The following CLYBL variants were observed in gnomAD, a reference collection of about 807,000 sequenced individuals.
CLYBL encodes the protein citramalyl-CoA lyase, mitochondrial.
In CLYBL, 31 loss-of-function variants were observed where a neutral mutation model predicts 38.9. That is an observed-to-expected ratio of 0.80 (90% CI 0.60 to 1.08). The LOEUF is 1.08. Among genes scored for constraint, CLYBL ranks in the 50% least tolerant of loss-of-function variants. The probability of loss-of-function intolerance (pLI) is 0.00; values close to 1 mark genes in which losing one functional copy is unlikely to be tolerated. For missense variants in CLYBL, 434 were observed against 411.6 expected (o/e 1.05, Z -0.47); for synonymous variants, 171 against 158.6 (o/e 1.08, Z -0.59).
intron 1 of CLYBL, among the ~76,000 whole-genome samples, chr13:99,703,709 T>A (rs1250014539): frequency 2.6e-5 from 4 of 152,166 alleles, no homozygotes; most frequent in African/African-American, 4.8e-5. Flanking sequence ...ACACAGGAGA[T>A]GTATTCAGAA....
At chr13:99,875,142 C>T (rs1348793515) in intron 7 of CLYBL, among the ~76,000 whole-genome samples, 1 of 152,138 alleles carries the variant, frequency 6.6e-6, no homozygotes, top group Admixed American at 6.5e-5. Flanking sequence ...GGGAAGTATT[C>T]ATCTTTAAAT....
intron 2 of CLYBL, among the ~76,000 whole-genome samples, chr13:99,841,673 C>T (rs7995103): frequency 0.54 from 82,578 of 151,788 alleles, 22,829 homozygotes; most frequent in African/African-American, 0.65. Flanking sequence ...GTGCCGGCAT[C>T]ACAGGCGTGA....
intron 2 of CLYBL, among the ~76,000 whole-genome samples, chr13:99,778,655 A>G (rs975987158): frequency 2.7e-4 from 41 of 152,334 alleles, no homozygotes; most frequent in African/African-American, 9.9e-4. Context: ...AGCACGGATG[A>G]TAAAAAAGAC....
intron 1 of CLYBL, among the ~76,000 whole-genome samples, chr13:99,750,734 T>TAA (rs1422819883): frequency 2.8e-4 from 35 of 125,076 alleles, no homozygotes; most frequent in African/African-American, 1.2e-3. Context: ...CCCTCTTTTT[T>TAA]TAAAAAAAAA....
chr13:99,809,170 T>C (rs1413332035), intron 2 of CLYBL, among the ~76,000 whole-genome samples: 5 of 152,212 alleles, frequency 3.3e-5, no homozygotes, highest in African/African-American at 1.2e-4. Flanking sequence ...ATCCACTTAT[T>C]TTAATGAATT....
intron 2 of CLYBL, among the ~76,000 whole-genome samples, chr13:99,826,225 G>T (rs542329991): frequency 6.6e-6 from 1 of 152,294 alleles, no homozygotes; most frequent in Admixed American, 6.5e-5. Flanking sequence ...TTATGTATAG[G>T]TGGTTGCCCT....
intron 7 of CLYBL, among the ~76,000 whole-genome samples, chr13:99,885,419 G>A (rs551063838): frequency 1.3e-5 from 2 of 152,120 alleles, no homozygotes; most frequent in East Asian, 1.9e-4. Flanking sequence ...ATGAGGCTGA[G>A]GGGGGAGGGT....
At chr13:99,894,521 G>C (rs1461168608), downstream of CLYBL, 1 of 152,208 alleles carries the variant, frequency 6.6e-6, no homozygotes, top group Admixed American at 6.5e-5. Flanking sequence ...CTTAGAAAAT[G>C]AGCCGGGACA....
intron 1 of CLYBL, among the ~76,000 whole-genome samples, chr13:99,752,609 C>G (rs2048978252): frequency 6.9e-6 from 1 of 145,180 alleles, no homozygotes; most frequent in Non-Finnish European, 1.6e-5. Context: ...ACCCTGCCCC[C>G]TCCTGCTGCT....
intron 1 of CLYBL, among the ~76,000 whole-genome samples, chr13:99,766,904 T>G (rs2049280047): frequency 6.6e-6 from 1 of 152,218 alleles, no homozygotes; most frequent in Admixed American, 6.5e-5. Flanking sequence ...CCACTCTGAT[T>G]TGGCATCTCC....
At chr13:99,802,065 T>C (rs1484149735) in intron 2 of CLYBL, among the ~76,000 whole-genome samples, 1 of 152,124 alleles carries the variant, frequency 6.6e-6, no homozygotes, top group Non-Finnish European at 1.5e-5. Flanking sequence ...TTACCTAGAA[T>C]CTTTTTTTTA....
At chr13:99,876,071 T>TTC (rs2052032672) in intron 7 of CLYBL, among the ~76,000 whole-genome samples, 1 of 145,360 alleles carries the variant, frequency 6.9e-6, no homozygotes, top group Non-Finnish European at 1.5e-5. Flanking sequence ...CTATTTCACT[T>TTC]TTTTTTTTTT....
chr13:99,686,349 A>G (rs1303769670), intron 1 of CLYBL, among the ~76,000 whole-genome samples: 3 of 152,298 alleles, frequency 2.0e-5, no homozygotes, highest in South Asian at 2.1e-4. Context: ...GCCCAGCACC[A>G]GCACCACCTC....
rs1414659180 is a variant in CLYBL at position 99,681,113 on chromosome 13, TAAA to T, written c.62+74357_62+74359del. Reference sequence around the variant, plus strand: ...AAGTAGTGCTGTAACTTACTTCATCTAAAGAAGCATCATCGCTGAATGTAAAGA... The same window carrying T: ...AAGTAGTGCTGTAACTTACTTCATCTGAAGCATCATCGCTGAATGTAAAGA... On this transcript the variant is annotated intron_variant, in intron 1 of 8. Coordinates refer to ENST00000339105, the MANE Select transcript of CLYBL (RefSeq NM_206808.5). 1.6e-4 allele frequency among the ~76,000 whole-genome samples: 24 copies of T among 152,346 alleles called. No homozygotes were observed. The East Asian group carries it at 2.9e-3, about 18-fold the overall frequency.
intron 1 of CLYBL, among the ~76,000 whole-genome samples, chr13:99,718,751 A>G (rs1328445023): frequency 1.3e-5 from 2 of 152,226 alleles, no homozygotes; most frequent in Admixed American, 6.5e-5. Context: ...ATCATTAGAT[A>G]ATGATCTTCT....
intron 2 of CLYBL, among the ~76,000 whole-genome samples, chr13:99,813,829 A>G (rs2050389441): frequency 1.3e-5 from 2 of 152,172 alleles, no homozygotes; most frequent in Non-Finnish European, 2.9e-5. Flanking sequence ...GCCGTCCGCA[A>G]GTCCTTCTGC....
chr13:99,660,099 G>A (rs2047387915), intron 1 of CLYBL, among the ~76,000 whole-genome samples: 1 of 152,154 alleles, frequency 6.6e-6, no homozygotes, highest in South Asian at 2.1e-4. Flanking sequence ...AGCTAGGTGC[G>A]AATGGAATAA....
chr13:99,760,865 T>C (rs113864808), intron 1 of CLYBL, among the ~76,000 whole-genome samples: 7 of 152,362 alleles, frequency 4.6e-5, no homozygotes, highest in African/African-American at 1.7e-4. Flanking sequence ...TTCTTTATGC[T>C]AGAACCATTT....
At chr13:99,870,540 G>C (rs1188740344) in intron 6 of CLYBL, among the ~76,000 whole-genome samples, 2 of 152,138 alleles carry the variant, frequency 1.3e-5, no homozygotes, top group Non-Finnish European at 2.9e-5. Flanking sequence ...TAAAATTTGA[G>C]AGAATTCTCA....
Sources: allele counts gnomAD v4.1 joint callset (sites outside exome capture counted in the v4.1 genomes callset), GRCh38; gene constraint gnomAD v4.1.1; transcripts MANE v1.5; gene names NCBI Gene and HGNC (gene_info 2026-07-23, HGNC 2026-07-21).